Variants in ARHGAP18 observed in about 807,000 individuals in gnomAD.
ARHGAP18 encodes rho GTPase-activating protein 18.
A neutral mutation model predicts 86.2 loss-of-function variants in ARHGAP18; 67 were observed. The observed-to-expected ratio is 0.78, with a 90% CI of 0.64 to 0.95. ARHGAP18 has a LOEUF of 0.95. ARHGAP18 is among the 40% of genes least tolerant of loss of function. ARHGAP18 has a pLI of 0.00. For synonymous variants in ARHGAP18, 283 were observed against 280.4 expected (o/e 1.01, Z -0.09); for missense variants, 691 against 780.4 (o/e 0.89, Z 1.37).
intron 1 of ARHGAP18, chr6:129,661,992 AG>A: frequency 1.4e-5 from 13 of 901,014 alleles, no homozygotes; most frequent in South Asian, 5.1e-5. Flanking sequence ...ACACACACAC[AG>A]AACACAAAGC....
chr6:129,637,175 T>G (rs1275325373), intron 3 of ARHGAP18, among the ~76,000 whole-genome samples: 2 of 152,010 alleles, frequency 1.3e-5, no homozygotes, highest in South Asian at 4.2e-4. Flanking sequence ...AGCAATCCTC[T>G]GGCCTCAGCC....
At chr6:129,623,163 T>A (rs1245088496) in intron 5 of ARHGAP18, among the ~76,000 whole-genome samples, 1 of 152,026 alleles carries the variant, frequency 6.6e-6, no homozygotes, top group Non-Finnish European at 1.5e-5. Context: ...CCCTTAGGCA[T>A]TTCATCACTA....
At chr6:129,592,585 C>G (rs1249407120) in intron 12 of ARHGAP18, among the ~76,000 whole-genome samples, 1 of 152,128 alleles carries the variant, frequency 6.6e-6, no homozygotes, top group African/African-American at 2.4e-5. Flanking sequence ...TGAGAGAAAG[C>G]CTTTTGTTTC....
At chr6:129,590,782 T>C (rs1788492387) in intron 12 of ARHGAP18, among the ~76,000 whole-genome samples, 1 of 152,216 alleles carries the variant, frequency 6.6e-6, no homozygotes, top group South Asian at 2.1e-4. Flanking sequence ...GAACCTGTAT[T>C]CTACGGCAGG....
chr6:129,681,278 A>C (rs891963300), intron 1 of ARHGAP18, among the ~76,000 whole-genome samples: 3 of 152,106 alleles, frequency 2.0e-5, no homozygotes, highest in African/African-American at 4.8e-5. Context: ...GGGTTTTACT[A>C]TGTTGGCCAG....
chr6:129,616,264 T>C lies in ARHGAP18; in HGVS notation c.992A>G (p.Glu331Gly), dbSNP rs1461693039. The C allele has an allele frequency of 6.2e-7, 1 of 1,611,508 alleles. No individual in the cohort carries two copies. Among genetic ancestry groups the C allele is most frequent in the South Asian group, 1.1e-5 (1 of 90,412 alleles). The change falls in exon 7 of 15, where the codon GAA becomes GGA. Residue 331 changes from glutamate to glycine, a missense_variant. Physicochemically the swap from Glu to Gly is moderately conservative, Grantham distance 98. Coordinates refer to ENST00000368149, the MANE Select transcript of ARHGAP18 (RefSeq NM_033515.3). ...LFCVPLTALLEQDQRKVPGMR... is the reference protein window; with the variant it reads ...LFCVPLTALLGQDQRKVPGMR... ...TCCTGGTACTTTCCTCTGATCTTGTTCTAATAGCGCTGTCAATGGAACGCA... is the reference window on the plus strand; with the variant it reads ...TCCTGGTACTTTCCTCTGATCTTGTCCTAATAGCGCTGTCAATGGAACGCA...
At chr6:129,634,231 G>GA (rs970903700) in intron 3 of ARHGAP18, 126 bp from the exon 4 acceptor site, 277 of 697,244 alleles carry the variant, frequency 4.0e-4, no homozygotes, top group Non-Finnish European at 5.7e-4. Context: ...CAATCACAGT[G>GA]AAAAAGGGGC....
chr6:129,592,226 T>C (rs1788531247), intron 12 of ARHGAP18, among the ~76,000 whole-genome samples: 1 of 152,250 alleles, frequency 6.6e-6, no homozygotes, highest in South Asian at 2.1e-4. Flanking sequence ...ATCCAGCCAC[T>C]ATTTCCAGAC....
rs1773141208 is a variant in ARHGAP18 at position 129,629,479 on chromosome 6, A to G, written c.660T>C (p.Pro220=). The part of the protein sequence containing the change: ...NLVGEEKLIP[P]EETPAPETDI... ...CTGTTTCAGGGGCAGGCGTCTCCTC[A>G]GGTGGGATCAGCTTCTCTTCACCAA... Residue 220 remains proline, a synonymous_variant, in exon 5 of 15, where the codon CCT becomes CCC. Transcript: ENST00000368149. The G allele has an allele frequency of 6.2e-7, 1 of 1,613,610 alleles. No homozygotes were observed. The highest frequency in any genetic ancestry group is 8.5e-7 in the Non-Finnish European group (1 of 1,179,868).
intron 1 of ARHGAP18, among the ~76,000 whole-genome samples, chr6:129,664,104 T>G (rs1433418554): frequency 6.6e-6 from 1 of 152,254 alleles, no homozygotes; most frequent in East Asian, 1.9e-4. Flanking sequence ...CCTGTGGGCC[T>G]CTGGGTTTGC....
chr6:129,680,895 C>T (rs1774313648), intron 1 of ARHGAP18, among the ~76,000 whole-genome samples: 1 of 152,218 alleles, frequency 6.6e-6, no homozygotes, highest in Non-Finnish European at 1.5e-5. Flanking sequence ...TGACTTTGTA[C>T]TTCAGCAATG....
At chr6:129,625,190 TATGATATATATTTATATGTA>T (rs1789350066) in intron 5 of ARHGAP18, among the ~76,000 whole-genome samples, 1 of 95,012 alleles carries the variant, frequency 1.1e-5, no homozygotes, top group African/African-American at 4.9e-5. Context: ...ATATATTATA[TATGATATATATTTATATGTA>T]ATATATATGA....
intron 9 of ARHGAP18, 22 bp from the exon 10 acceptor site, chr6:129,605,981 C>A (rs775313640): frequency 1.9e-6 from 3 of 1,604,920 alleles, no homozygotes; most frequent in South Asian, 1.1e-5. Flanking sequence ...TTAAATAAAT[C>A]TGAACTCTTT....
chr6:129,658,379 T>C (rs1773882225), intron 1 of ARHGAP18, among the ~76,000 whole-genome samples: 1 of 150,802 alleles, frequency 6.6e-6, no homozygotes, highest in South Asian at 2.1e-4. Context: ...AATTTTATGA[T>C]TACAAAAAAA....
Position 129,616,886 on chromosome 6 carries a change from G to A in ARHGAP18, c.953-583C>T, listed in dbSNP as rs527496470. On this transcript the variant is annotated intron_variant, in intron 6 of 14. Transcript: ENST00000368149. ...TTGGAGGATAGCTTGAGCCTGGGAGGTTGAGGCTACGGTGAGCCGTCACTG... is the reference window on the plus strand; with the variant it reads ...TTGGAGGATAGCTTGAGCCTGGGAGATTGAGGCTACGGTGAGCCGTCACTG... Among the ~76,000 whole-genome samples, 74 of 152,268 alleles carry A rather than the reference G, an allele frequency of 4.9e-4. 1 individual carries two copies. In the South Asian group the frequency reaches 0.011, roughly 23 times the overall value.
At chr6:129,677,274 T>C (rs766487957) in intron 1 of ARHGAP18, among the ~76,000 whole-genome samples, 1 of 152,022 alleles carries the variant, frequency 6.6e-6, no homozygotes, top group Non-Finnish European at 1.5e-5. Context: ...ACGCCTGTAG[T>C]CTCAGCTACT....
chr6:129,703,977 A>AT (rs1269702964), intron 1 of ARHGAP18, among the ~76,000 whole-genome samples: 76 of 123,422 alleles, frequency 6.2e-4, no homozygotes, highest in Non-Finnish European at 1.2e-4. Flanking sequence ...ACAACAAAAA[A>AT]ATATATATAT....
chr6:129,620,656 T>C (rs1365314098), intron 5 of ARHGAP18, among the ~76,000 whole-genome samples: 1 of 152,236 alleles, frequency 6.6e-6, no homozygotes, highest in Non-Finnish European at 1.5e-5. Flanking sequence ...GCTGATTAGC[T>C]GATTTTACTG....
chr6:129,655,328 A>G (rs1372605195), intron 1 of ARHGAP18, among the ~76,000 whole-genome samples: 6 of 125,798 alleles, frequency 4.8e-5, no homozygotes, highest in Non-Finnish European at 7.4e-5. Flanking sequence ...AAAAAAAAAA[A>G]AAAAAAAAAA....
Sources: allele counts gnomAD v4.1 joint callset (sites outside exome capture counted in the v4.1 genomes callset), GRCh38; gene constraint gnomAD v4.1.1; transcripts MANE v1.5; gene names NCBI Gene and HGNC (gene_info 2026-07-23, HGNC 2026-07-21).